FSTL4: variants seen among roughly 807,000 people sequenced by gnomAD.
FSTL4 encodes follistatin like 4, also known as follistatin-related protein 4.
A neutral mutation model predicts 78.2 loss-of-function variants in FSTL4; 28 were observed. The ratio of observed to expected loss-of-function variants is 0.36; its 90% CI spans 0.27 to 0.49. The LOEUF (loss-of-function observed/expected upper bound fraction) is 0.49. Among genes scored for constraint, FSTL4 ranks in the 20% least tolerant of loss-of-function variants. The probability of loss-of-function intolerance (pLI) is 0.98; values close to 1 mark genes in which losing one functional copy is unlikely to be tolerated. For synonymous variants in FSTL4, 422 were observed against 440.5 expected (o/e 0.96, Z 0.53); for missense variants, 922 against 1,084.9 (o/e 0.85, Z 2.11).
At chr5:133,573,614 C>T (rs1051734168) in intron 2 of FSTL4, among the ~76,000 whole-genome samples, 2 of 151,960 alleles carry the variant, frequency 1.3e-5, no homozygotes, top group Non-Finnish European at 2.9e-5. Flanking sequence ...TTTTTTAACC[C>T]ACAATAATGG....
intron 14 of FSTL4, among the ~76,000 whole-genome samples, chr5:133,203,515 T>TGCAA (rs1750394341): frequency 6.6e-6 from 1 of 152,212 alleles, no homozygotes; most frequent in African/African-American, 2.4e-5. Context: ...GCTGGAGTGA[T>TGCAA]GCAAGCCATG....
chr5:133,462,766 G>A (rs1204933843), intron 3 of FSTL4, among the ~76,000 whole-genome samples: 1 of 152,180 alleles, frequency 6.6e-6, no homozygotes, highest in East Asian at 1.9e-4. Context: ...GGAAGCCGGC[G>A]CTTGATACTG....
At chr5:133,266,147 G>A (rs1160942093) in intron 6 of FSTL4, among the ~76,000 whole-genome samples, 2 of 152,284 alleles carry the variant, frequency 1.3e-5, no homozygotes, top group Middle Eastern at 3.4e-3. Context: ...GACATCGTGA[G>A]CCCAGCCAGC....
At chr5:133,517,823 T>C (rs752523796) in intron 3 of FSTL4, among the ~76,000 whole-genome samples, 3 of 152,098 alleles carry the variant, frequency 2.0e-5, no homozygotes, top group Non-Finnish European at 4.4e-5. Flanking sequence ...AAAGAGCTGA[T>C]GTTACCATTC....
chr5:133,238,337 G>C (rs1045427125), intron 7 of FSTL4, among the ~76,000 whole-genome samples: 2 of 152,140 alleles, frequency 1.3e-5, no homozygotes, highest in Non-Finnish European at 2.9e-5. Flanking sequence ...GGGAGCAAAG[G>C]GGGGGTCTCT....
Position 133,504,692 on chromosome 5 carries a change from G to A in FSTL4, c.160+62494C>T, listed in dbSNP as rs79349120. Among the ~76,000 whole-genome samples the A allele has an allele frequency of 5.9e-3, 896 of 152,170 alleles. 11 individuals are homozygous for A. The highest frequency in any genetic ancestry group is 0.021 in the African/African-American group (855 of 41,518). On this transcript the variant is annotated intron_variant, in intron 3 of 15. Coordinates refer to ENST00000265342, the MANE Select transcript of FSTL4 (RefSeq NM_015082.2). ...GCTCTTCTCAGCTCCCAGAGCTCTCGTCTTCCTCCCACTCCTATCCTGGGC... is the reference window on the plus strand; with the variant it reads ...GCTCTTCTCAGCTCCCAGAGCTCTCATCTTCCTCCCACTCCTATCCTGGGC...
At chr5:133,719,288 T>TTGAAC in the FSTL4 span, among the ~76,000 whole-genome samples, 2 of 152,224 alleles carry the variant, frequency 1.3e-5, no homozygotes, top group Non-Finnish European at 2.9e-5. Context: ...GAGTTCTTAC[T>TTGAAC]TGAACTGTAC....
intron 3 of FSTL4, among the ~76,000 whole-genome samples, chr5:133,499,024 CAT>C (rs2112875603): frequency 6.6e-6 from 1 of 151,556 alleles, no homozygotes; most frequent in African/African-American, 2.4e-5. Context: ...CACACACACA[CAT>C]TGCACTCGCA....
chr5:133,260,715 T>C (rs1752499766), intron 6 of FSTL4, among the ~76,000 whole-genome samples: 1 of 152,230 alleles, frequency 6.6e-6, no homozygotes. Context: ...CCTGAGAAGC[T>C]CTTACAGCTT....
At chr5:133,735,791 G>A in the FSTL4 span, among the ~76,000 whole-genome samples, 1 of 152,144 alleles carries the variant, frequency 6.6e-6, no homozygotes, top group Non-Finnish European at 1.5e-5. Context: ...CATTTGTATG[G>A]TCCTAAGCAT....
At position 133,225,138 on chromosome 5, in the gene FSTL4, G is replaced by T. The variant is rs370668482; in HGVS notation, c.1312+12C>A. On this transcript the variant is annotated intron_variant, in intron 10 of 15. Transcript: ENST00000265342. This position sits in a 1 kb window ranked among gnomAD's most constrained non-coding sequence, Gnocchi z 4.6. ...CCAGCTCAGTGAGAAGCATAAACGC[G>T]TGTCGACTTACGGGTCTTTCTAGCT... 1 of 1,614,130 alleles carries T rather than the reference G, an allele frequency of 6.2e-7. No homozygotes were observed.
the FSTL4 span, among the ~76,000 whole-genome samples, chr5:133,776,112 A>G: frequency 3.3e-5 from 5 of 151,840 alleles, no homozygotes; most frequent in South Asian, 2.1e-4. Context: ...GAGAGTCCCT[A>G]TTTGCTCTCC....
intron 3 of FSTL4, among the ~76,000 whole-genome samples, chr5:133,552,267 T>C (rs992635293): frequency 3.9e-5 from 6 of 152,184 alleles, no homozygotes; most frequent in Non-Finnish European, 7.3e-5. Flanking sequence ...GCCACACAAG[T>C]AATTTAAGGA....
chr5:133,521,144 A>AC (rs899639849), intron 3 of FSTL4, among the ~76,000 whole-genome samples: 6 of 151,998 alleles, frequency 3.9e-5, no homozygotes, highest in African/African-American at 1.5e-4. Context: ...GGTGAAGCTG[A>AC]CCCCCCATCC....
intron 3 of FSTL4, chr5:133,458,033 A>C (rs915147770): frequency 2.0e-5 from 3 of 152,194 alleles, no homozygotes; most frequent in African/African-American, 7.2e-5. Flanking sequence ...CTATCTATCT[A>C]TACGTTCAGC....
At chr5:133,589,383 A>T (rs1760575245) in intron 2 of FSTL4, among the ~76,000 whole-genome samples, 1 of 151,946 alleles carries the variant, frequency 6.6e-6, no homozygotes. Flanking sequence ...AATTCTTAAA[A>T]GCAGAAACAG....
In FSTL4 at chr5:133,608,624, G is replaced by A. The variant is rs143754790; in HGVS notation, c.-11+3701C>T. 3.3e-5 allele frequency among the ~76,000 whole-genome samples: 5 copies of A among 152,346 alleles called. No individual in the cohort carries two copies. In the East Asian group the frequency reaches 9.6e-4, roughly 29 times the overall value. On this transcript the variant is annotated intron_variant, in intron 1 of 15. Coordinates refer to ENST00000265342, the MANE Select transcript of FSTL4 (RefSeq NM_015082.2). ...ATAGGCAGATTTTGCTTTTCTCAAT[G>A]CTGAAGGACCTCCACTAGATTGTCT...
intron 14 of FSTL4, among the ~76,000 whole-genome samples, chr5:133,208,500 A>G (rs1581526136): frequency 6.6e-6 from 1 of 152,120 alleles, no homozygotes; most frequent in East Asian, 1.9e-4. Flanking sequence ...TGAATATTTT[A>G]TTGGAAACTT....
intron 6 of FSTL4, among the ~76,000 whole-genome samples, chr5:133,261,201 C>T (rs1752511471): frequency 6.6e-6 from 1 of 152,138 alleles, no homozygotes; most frequent in African/African-American, 2.4e-5. Context: ...GTTTCCTGGG[C>T]AGGTTAATTC....
Sources: allele counts gnomAD v4.1 joint callset (sites outside exome capture counted in the v4.1 genomes callset), GRCh38; gene constraint gnomAD v4.1.1; non-coding constraint Gnocchi (gnomAD v3.1); transcripts MANE v1.5; gene names NCBI Gene and HGNC (gene_info 2026-07-23, HGNC 2026-07-21).